Variants in TULP4 observed in about 807,000 individuals in gnomAD.
The protein encoded by TULP4 is TUB like protein 4.
Under a neutral mutation model 129.0 loss-of-function variants are expected in TULP4, and 16 were observed. That is an observed-to-expected ratio of 0.12 (90% CI 0.08 to 0.19). The LOEUF is 0.19. Among genes scored for constraint, TULP4 ranks in the 10% least tolerant of loss-of-function variants. The probability of loss-of-function intolerance (pLI) is 1.00; values close to 1 mark genes in which losing one functional copy is unlikely to be tolerated. For synonymous variants in TULP4, 998 were observed against 854.0 expected (o/e 1.17, Z -2.94); for missense variants, 1,842 against 2,059.1 (o/e 0.89, Z 2.04).
chr6:158,322,599 T>C (rs1428773289), intron 1 of TULP4, among the ~76,000 whole-genome samples: 1 of 152,216 alleles, frequency 6.6e-6, no homozygotes, highest in African/African-American at 2.4e-5. Context: ...TACCACTTAG[T>C]ACCTGGAAAT....
intron 1 of TULP4, among the ~76,000 whole-genome samples, chr6:158,318,580 A>G (rs1428966739): frequency 3.3e-5 from 5 of 152,212 alleles, no homozygotes; most frequent in Admixed American, 3.3e-4. Context: ...GCCTAAATTC[A>G]TGCAGCTTGT....
upstream of TULP4, among the ~76,000 whole-genome samples, chr6:158,309,568 G>C (rs181068543): frequency 6.6e-6 from 1 of 152,062 alleles, no homozygotes; most frequent in Non-Finnish European, 1.5e-5. Context: ...GTAGCAAGCC[G>C]AGATCATGCC....
chr6:158,308,459 C>T (rs1171841927), upstream of TULP4, among the ~76,000 whole-genome samples: 1 of 151,988 alleles, frequency 6.6e-6, no homozygotes, highest in Non-Finnish European at 1.5e-5. Flanking sequence ...CCTTTCCCCC[C>T]TTTCTATTCC....
rs772309735 is a variant in TULP4 at position 158,391,676 on chromosome 6, G to A, written c.253-21389G>A. ...GAGAATGAATTGTGAATAGGGACGGGCTACTTTGGTACATGCCACCTGTTT... is the reference window on the plus strand; with the variant it reads ...GAGAATGAATTGTGAATAGGGACGGACTACTTTGGTACATGCCACCTGTTT... On this transcript the variant is annotated intron_variant, in intron 1 of 13. Coordinates refer to ENST00000367097, the MANE Select transcript of TULP4 (RefSeq NM_020245.5). Among the ~76,000 whole-genome samples the A allele has an allele frequency of 2.0e-5, 3 of 152,206 alleles. No homozygotes were observed. The South Asian group carries it at 6.2e-4, about 32-fold the overall frequency.
At chr6:158,372,991 G>A (rs1351160756) in intron 1 of TULP4, among the ~76,000 whole-genome samples, 1 of 152,198 alleles carries the variant, frequency 6.6e-6, no homozygotes, top group Non-Finnish European at 1.5e-5. Context: ...GTATCAGCAT[G>A]TGCTACTAAT....
chr6:158,445,465 G>T (rs868557019), intron 3 of TULP4, among the ~76,000 whole-genome samples: 14 of 152,200 alleles, frequency 9.2e-5, no homozygotes, highest in African/African-American at 3.4e-4. Flanking sequence ...GGACAGAAAT[G>T]TATTTATATT....
intron 3 of TULP4, 142 bp from the exon 4 acceptor site, chr6:158,448,854 G>A (rs906784509): frequency 1.4e-5 from 11 of 764,458 alleles, no homozygotes; most frequent in South Asian, 2.3e-5. Flanking sequence ...TTAACATTTT[G>A]TGTCACTGTG....
At chr6:158,425,250 A>G (rs1253702436) in intron 2 of TULP4, among the ~76,000 whole-genome samples, 1 of 149,488 alleles carries the variant, frequency 6.7e-6, no homozygotes, top group Non-Finnish European at 1.5e-5. Context: ...GCGGTGGCTC[A>G]CACATGTAAT....
rs1230824778 is a variant in TULP4 at position 158,507,844 on chromosome 6, C to T, written c.*1150C>T. On this transcript the variant is annotated 3_prime_UTR_variant, in exon 14 of 14. Transcript: ENST00000367097. Reference sequence around the variant, plus strand: ...CTTTCTATCAAATTAGAAATGTAACCAAAAAAATGTTAAGTGTTCACCAGG... The same window carrying T: ...CTTTCTATCAAATTAGAAATGTAACTAAAAAAATGTTAAGTGTTCACCAGG... 1 of 151,794 alleles carries T rather than the reference C, an allele frequency of 6.6e-6. No individual in the cohort carries two copies. The highest frequency in any genetic ancestry group is 1.5e-5 in the Non-Finnish European group (1 of 67,936). 9.4% of individuals were successfully genotyped at this position (151,794 alleles called of 1,614,324 possible). A position where few individuals can be genotyped will look rare whatever the true frequency, so the allele number is the denominator to read the frequency against.
chr6:158,245,466 A>G (rs990593242), intron 1 of TULP4, among the ~76,000 whole-genome samples: 2 of 152,034 alleles, frequency 1.3e-5, no homozygotes, highest in African/African-American at 4.8e-5. Flanking sequence ...GCTGGTGCAG[A>G]TGAAGGGAGG....
rs1027517990 is a variant in TULP4, at chr6:158,247,199, A to G, written n.68+14896A>G. Among the ~76,000 whole-genome samples the G allele has an allele frequency of 2.2e-4, 34 of 152,302 alleles. 2 individuals are homozygous for G. The highest frequency in any genetic ancestry group is 6.3e-4 in the African/African-American group (26 of 41,566). ...TCTTCCTTTTGTAGTTTTAACATGT[A>G]TCCCAGTTTGTAATGGGCATATTAG... is the stretch of plus-strand genomic sequence containing the variant. On this transcript the variant is annotated intron_variant and non_coding_transcript_variant, in intron 1 of 1. Coordinates refer to the TULP4 transcript ENST00000620026.
At chr6:158,367,348 C>CT (rs1191063861) in intron 1 of TULP4, among the ~76,000 whole-genome samples, 1 of 152,174 alleles carries the variant, frequency 6.6e-6, no homozygotes. Flanking sequence ...GTAGAATTCA[C>CT]TTTTTTACAA....
intron 1 of TULP4, among the ~76,000 whole-genome samples, chr6:158,392,790 A>ATTTATTTTTTTTTTTTTTTTT (rs1554286987): frequency 2.6e-5 from 1 of 38,628 alleles, no homozygotes; most frequent in African/African-American, 1.0e-4. Context: ...TTAAATTTGT[A>ATTTATTTTTTTTTTTTTTTTT]TTTCTTTTTT....
chr6:158,385,962 C>A (rs1490537728), intron 1 of TULP4, among the ~76,000 whole-genome samples: 1 of 149,608 alleles, frequency 6.7e-6, no homozygotes, highest in Admixed American at 6.7e-5. Context: ...CTCCTGCATC[C>A]GCCTCCTGAA....
At chr6:158,317,006 C>T (rs917729919) in intron 1 of TULP4, among the ~76,000 whole-genome samples, 10 of 152,234 alleles carry the variant, frequency 6.6e-5, no homozygotes, top group African/African-American at 2.2e-4. Context: ...ACCCCTGAGC[C>T]GGCCATGCTC....
intron 1 of TULP4, among the ~76,000 whole-genome samples, chr6:158,323,849 G>GTT (rs1779689815): frequency 1.3e-5 from 2 of 152,178 alleles, no homozygotes; most frequent in African/African-American, 4.8e-5. Context: ...CTTGGAAACT[G>GTT]CAGCTTTAGG....
At chr6:158,476,873 C>T (rs911045229) in intron 6 of TULP4, among the ~76,000 whole-genome samples, 6 of 152,090 alleles carry the variant, frequency 3.9e-5, no homozygotes, top group African/African-American at 1.4e-4. Flanking sequence ...GAGTCAGCAC[C>T]ATGTAGTAAG....
chr6:158,404,966 A>G (rs952131342), intron 1 of TULP4, among the ~76,000 whole-genome samples: 2 of 152,136 alleles, frequency 1.3e-5, no homozygotes, highest in Non-Finnish European at 2.9e-5. Flanking sequence ...TATGTCATAA[A>G]TATTGCCTAA....
chr6:158,432,458 G>A (rs1371289174), intron 3 of TULP4, among the ~76,000 whole-genome samples: 1 of 152,164 alleles, frequency 6.6e-6, no homozygotes, highest in Non-Finnish European at 1.5e-5. Context: ...AGAACTTTCT[G>A]CCTTTAATGT....
Sources: allele counts gnomAD v4.1 joint callset (sites outside exome capture counted in the v4.1 genomes callset), GRCh38; gene constraint gnomAD v4.1.1; transcripts MANE v1.5; gene names NCBI Gene and HGNC (gene_info 2026-07-23, HGNC 2026-07-21).